Variants in ABCA9 observed in about 807,000 individuals in gnomAD.
ABCA9 encodes the protein ATP binding cassette subfamily A member 9.
ABCA9 carries 183 observed loss-of-function variants against 205.3 expected under a neutral mutation model. The ratio of observed to expected loss-of-function variants is 0.89; its 90% CI spans 0.79 to 1.01. The LOEUF (loss-of-function observed/expected upper bound fraction) is 1.01. Among genes scored for constraint, ABCA9 ranks in the 50% least tolerant of loss-of-function variants. ABCA9 has a pLI of 0.00. For synonymous variants in ABCA9, 651 were observed against 683.3 expected, an observed-to-expected ratio of 0.95 and a Z score of 0.74; for missense variants, 1,805 against 1,912.4, an observed-to-expected ratio of 0.94 and a Z score of 1.05.
intron 32 of ABCA9, among the ~76,000 whole-genome samples, chr17:68,985,925 G>A (rs1356568365): frequency 6.6e-6 from 1 of 151,852 alleles, no homozygotes; most frequent in Non-Finnish European, 1.5e-5. Flanking sequence ...GGGCGGCAGA[G>A]CCAAACTCCG....
rs367920770 is a variant in ABCA9 at position 69,025,384 on chromosome 17, A to G, written c.2141+993T>C. Among the ~76,000 whole-genome samples the G allele has an allele frequency of 1.3e-3, 202 of 152,326 alleles. 2 individuals are homozygous for G. The South Asian group carries it at 0.015, about 12-fold the overall frequency. On this transcript the variant is annotated intron_variant, in intron 16 of 38. Coordinates refer to ENST00000340001, the MANE Select transcript of ABCA9 (RefSeq NM_080283.4). Reference sequence around the variant, plus strand: ...GAAAAGAGGATACTCATTAAGGAGAAAATACTTTCAGAAATGGTTAAGACT... The same window carrying G: ...GAAAAGAGGATACTCATTAAGGAGAGAATACTTTCAGAAATGGTTAAGACT...
chr17:69,037,755 C>T (rs1229463779), intron 6 of ABCA9, among the ~76,000 whole-genome samples: 2 of 149,546 alleles, frequency 1.3e-5, no homozygotes, highest in Non-Finnish European at 3.0e-5. Context: ...AAAAACCCTG[C>T]AAAAAAAATC....
chr17:68,988,885 AG>A, intron 31 of ABCA9, 141 bp downstream of exon 31: 1 of 538,080 alleles, frequency 1.9e-6, no homozygotes, highest in South Asian at 3.5e-5. Context: ...TTTGGAATTA[AG>A]TATATAAATT....
Position 69,017,600 on chromosome 17 carries a change from A to G in ABCA9, c.2901+56T>C, listed in dbSNP as rs2070664449. On this transcript the variant is annotated intron_variant, in intron 21 of 38. Transcript: ENST00000340001. ...TCATTCAGCTGATATGAATTATTCA[A>G]ATTGTACACCCATAGTCCACCTTTG... 3.1e-6 allele frequency: 5 copies of G among 1,590,758 alleles called. No individual in the cohort carries two copies. In the Admixed American group the frequency reaches 7.0e-5, roughly 22 times the overall value.
intron 6 of ABCA9, 117 bp downstream of exon 6, chr17:69,043,372 C>T: frequency 1.4e-6 from 1 of 735,180 alleles, no homozygotes; most frequent in Non-Finnish European, 2.2e-6. Context: ...ACCTAACTGG[C>T]CATGGACCAG....
At chr17:69,012,804 T>C (rs1225633842) in intron 22 of ABCA9, among the ~76,000 whole-genome samples, 2 of 152,168 alleles carry the variant, frequency 1.3e-5, no homozygotes, top group Non-Finnish European at 2.9e-5. Flanking sequence ...AGTCACCCTG[T>C]TGTGCTATAA....
chr17:68,998,830 TTC>T (rs2069726672), intron 25 of ABCA9, among the ~76,000 whole-genome samples: 1 of 149,586 alleles, frequency 6.7e-6, no homozygotes, highest in African/African-American at 2.5e-5. Context: ...GATCTAAAAT[TTC>T]TTTTTTTTTT....
At chr17:68,982,523 C>G (rs763688692) in intron 37 of ABCA9, 39 bp downstream of exon 37, 12 of 1,487,434 alleles carry the variant, frequency 8.1e-6, no homozygotes, top group Non-Finnish European at 1.1e-5. Context: ...TTAGGCTTAT[C>G]TGTTTCCCAG....
Position 68,984,940 on chromosome 17 carries a change from C to G in ABCA9, c.4324G>C (p.Val1442Leu). 12 of 1,614,168 alleles carry G rather than the reference C, an allele frequency of 7.4e-6. No individual in the cohort carries two copies. The highest frequency in any genetic ancestry group is 1.0e-5 in the Non-Finnish European group (12 of 1,180,026). Residue 1442 changes from valine (V) to leucine (L), a missense_variant, in exon 34 of 39, where the codon GTG (valine) becomes CTG (leucine). Val to Leu is a conservative substitution (Grantham distance 32, BLOSUM62 1). Transcript: ENST00000340001. ...VLSILGNPSV[V>L]LLDEPSTGMD... ...CCGGTCGACGGCTCATCCAGAAGCA[C>G]CACTGACGGGTTCCCCAGGATGCTC...
chr17:69,019,503 C>G (rs1227034802), intron 19 of ABCA9, among the ~76,000 whole-genome samples: 1 of 152,152 alleles, frequency 6.6e-6, no homozygotes, highest in Non-Finnish European at 1.5e-5. Context: ...TTCAAAATCT[C>G]CCTGAGCTTT....
chr17:69,033,816 G>T lies in ABCA9; in HGVS notation c.1186C>A (p.Pro396Thr). Residue 396 changes from proline (P) to threonine (T), a missense_variant, in exon 9 of 39, where the codon CCA becomes ACA. Pro to Thr is a conservative substitution (Grantham distance 38). Transcript: ENST00000340001. ...AAAAGAGTAGCTATTATGAGGTATG[G>T]ATTTTGTGAAGAATCCAAGTGGGCA... Reference protein sequence around the residue: ...SNAHLDSSQNPYLIIATLFML... With the variant: ...SNAHLDSSQNTYLIIATLFML... The T allele has an allele frequency of 6.2e-7, 1 of 1,608,484 alleles. No individual in the cohort carries two copies. Among genetic ancestry groups the T allele is most frequent in the Non-Finnish European group, 8.5e-7 (1 of 1,175,512 alleles).
chr17:69,004,093 C>T (rs555018890), intron 25 of ABCA9, among the ~76,000 whole-genome samples: 59 of 152,286 alleles, frequency 3.9e-4, no homozygotes, highest in African/African-American at 1.4e-3. Context: ...GTAATTTGAT[C>T]GTCTGAAGCC....
chr17:69,073,654 T>TG, the ABCA9 span, among the ~76,000 whole-genome samples: 3 of 152,046 alleles, frequency 2.0e-5, no homozygotes, highest in Non-Finnish European at 4.4e-5. Context: ...GCAGCAAAGA[T>TG]CTAAAATTGA....
At chr17:68,992,363 G>A (rs986813676) in intron 27 of ABCA9, 97 bp from the exon 28 acceptor site, 5 of 775,954 alleles carry the variant, frequency 6.4e-6, no homozygotes, top group East Asian at 3.0e-5. Context: ...ATAAAAATTC[G>A]ATTTGATAGC....
intron 37 of ABCA9, among the ~76,000 whole-genome samples, chr17:68,979,363 G>T (rs1257105952): frequency 6.6e-6 from 1 of 152,118 alleles, no homozygotes; most frequent in Non-Finnish European, 1.5e-5. Flanking sequence ...ACTGCCCAAG[G>T]TAATTTATAG....
intron 19 of ABCA9, among the ~76,000 whole-genome samples, chr17:69,019,079 T>G (rs1426121386): frequency 6.6e-6 from 1 of 152,126 alleles, no homozygotes; most frequent in Non-Finnish European, 1.5e-5. Context: ...GAAATTCATA[T>G]CTATCATAGC....
chr17:69,066,109 C>T, the ABCA9 span, among the ~76,000 whole-genome samples: 1 of 152,150 alleles, frequency 6.6e-6, no homozygotes, highest in Non-Finnish European at 1.5e-5. Context: ...GAACTGATAC[C>T]CTTGCCCTCA....
At chr17:69,046,875 C>CTATATATATATA (rs71144650) in intron 3 of ABCA9, among the ~76,000 whole-genome samples, 34 of 127,750 alleles carry the variant, frequency 2.7e-4, no homozygotes, top group African/African-American at 8.4e-4. Flanking sequence ...CGATTTTATA[C>CTATATATATATA]TATATATATA....
intron 31 of ABCA9, among the ~76,000 whole-genome samples, chr17:68,987,754 G>GTTTTT (rs1441587722): frequency 2.3e-5 from 2 of 85,332 alleles, no homozygotes; most frequent in African/African-American, 6.4e-5. Context: ...TTGTTTGTTT[G>GTTTTT]TTTGTTTGTT....
Sources: gnomAD v4.1 joint callset for allele counts (sites outside exome capture counted in the v4.1 genomes callset) on GRCh38, gnomAD v4.1.1 for gene constraint, MANE v1.5 for transcripts, NCBI Gene and HGNC (gene_info 2026-07-23, HGNC 2026-07-21) for gene names.